The following RPRD1A variants were observed in gnomAD, a reference collection of about 807,000 sequenced individuals.
RPRD1A encodes the protein regulation of nuclear pre-mRNA domain containing 1A, also known as regulation of nuclear pre-mRNA domain-containing protein 1A.
RPRD1A carries 9 observed loss-of-function variants against 37.8 expected under a neutral mutation model. That is an observed-to-expected ratio of 0.24 (90% CI 0.14 to 0.42). The LOEUF (loss-of-function observed/expected upper bound fraction) is 0.42. Ranked by LOEUF, RPRD1A falls within the 10% of genes least tolerant of loss-of-function variation. The pLI, the probability that RPRD1A is intolerant of heterozygous loss-of-function variation, is 1.00. For synonymous variants in RPRD1A, 138 were observed against 139.7 expected (o/e 0.99, Z 0.08); for missense variants, 255 against 371.0 (o/e 0.69, Z 2.57).
chr18:36,047,073 TAGAC>T (rs142863843), intron 1 of RPRD1A, among the ~76,000 whole-genome samples: 3 of 151,958 alleles, frequency 2.0e-5, no homozygotes, highest in Non-Finnish European at 2.9e-5. Context: ...ATTAAAAAAT[TAGAC>T]AGGCATGGTG....
chr18:36,018,422 C>T (rs1910754765), intron 6 of RPRD1A, among the ~76,000 whole-genome samples: 1 of 152,046 alleles, frequency 6.6e-6, no homozygotes, highest in African/African-American at 2.4e-5. Flanking sequence ...TACAGGCGCC[C>T]GCCACCACGC....
chr18:36,018,442 T>C (rs1268644442), intron 6 of RPRD1A, among the ~76,000 whole-genome samples: 1 of 151,978 alleles, frequency 6.6e-6, no homozygotes, highest in Non-Finnish European at 1.5e-5. Context: ...CCCAACTAAT[T>C]TTTTCTATTT....
At chr18:36,017,602 C>A (rs997732632) in intron 6 of RPRD1A, among the ~76,000 whole-genome samples, 1 of 152,198 alleles carries the variant, frequency 6.6e-6, no homozygotes, top group African/African-American at 2.4e-5. Flanking sequence ...AAAATGTAAT[C>A]TTTGTTAGCA....
Position 36,018,419 on chromosome 18 carries a change from G to C in RPRD1A, c.789+8481C>G, listed in dbSNP as rs543355368. Among the ~76,000 whole-genome samples the C allele has an allele frequency of 2.1e-4, 32 of 152,068 alleles. No homozygotes were observed. The South Asian group carries it at 6.0e-3, about 29-fold the overall frequency. On this transcript the variant is annotated intron_variant, in intron 6 of 6. Transcript: ENST00000399022. The stretch of plus-strand genomic sequence containing the variant: ...CTCCCGAGTGGCTGGGACTACAGGC[G>C]CCCGCCACCACGCCCAACTAATTTT...
rs539029970 is a variant in RPRD1A, at chr18:36,041,562, T to C, written c.152-7725A>G. ...CAAACAAATTAAAAACACACACTTG[T>C]GGAAATCAGCATTTTCTGAGGCAAA... On this transcript the variant is annotated intron_variant, in intron 1 of 6. Transcript: ENST00000399022. Among the ~76,000 whole-genome samples the C allele has an allele frequency of 9.3e-4, 142 of 152,350 alleles. 1 individual carries two copies. Among genetic ancestry groups the C allele is most frequent in the African/African-American group, 3.2e-3 (135 of 41,584 alleles).
chr18:36,004,108 G>A (rs1909592373), intron 6 of RPRD1A, among the ~76,000 whole-genome samples: 3 of 149,044 alleles, frequency 2.0e-5, no homozygotes, highest in Admixed American at 6.9e-5. Context: ...TGGGATTACA[G>A]GCATGAGCCA....
intron 6 of RPRD1A, among the ~76,000 whole-genome samples, chr18:36,021,548 G>T (rs1162774438): frequency 6.6e-6 from 1 of 152,190 alleles, no homozygotes. Context: ...TCAAGTGAAA[G>T]AAAGAATCAT....
At chr18:36,018,291 A>T (rs1261144877) in intron 6 of RPRD1A, among the ~76,000 whole-genome samples, 1 of 92,694 alleles carries the variant, frequency 1.1e-5, no homozygotes, top group Non-Finnish European at 2.2e-5. Flanking sequence ...TTTTTTTTTT[A>T]AAGAAGGAGT....
rs1469105672 is a variant in RPRD1A, at chr18:35,991,773, T to C, written c.*1378A>G. The C allele has an allele frequency of 1.3e-5, 2 of 152,256 alleles. No homozygotes were observed. The highest frequency in any genetic ancestry group is 2.9e-5 in the Non-Finnish European group (2 of 68,048). 9.4% of individuals were successfully genotyped at this position (152,256 alleles called of 1,614,324 possible). A position where few individuals can be genotyped will look rare whatever the true frequency, so the allele number is the denominator to read the frequency against. On this transcript the variant is annotated 3_prime_UTR_variant, in exon 7 of 7. Coordinates refer to ENST00000399022, the MANE Select transcript of RPRD1A (RefSeq NM_018170.5). ...AAAATAAATGTCTGCCTTCTTCATA[T>C]GCAATTCATTGTAACTATAATTTCT...
chr18:36,019,544 CA>C (rs1232679992), intron 6 of RPRD1A, among the ~76,000 whole-genome samples: 1 of 152,138 alleles, frequency 6.6e-6, no homozygotes, highest in Non-Finnish European at 1.5e-5. Context: ...ACCACTTAGA[CA>C]GGGGTGGTTT....
In RPRD1A at chr18:36,008,573, G is replaced by GTGTGTGTGTA. The variant is rs1555670666; in HGVS notation, c.790-15274_790-15273insTACACACACA. 2.5e-4 allele frequency among the ~76,000 whole-genome samples: 9 copies of GTGTGTGTGTA among 36,636 alleles called. No individual in the cohort carries two copies. The East Asian group carries it at 2.6e-3, about 11-fold the overall frequency. The allele number at this position is 36,636 out of a possible 152,430, so 24.0% of individuals were successfully genotyped here. Reference sequence around the variant, plus strand: ...CCTGGGCGACACAGCAAGACCTTGTGTGTGTATATATATATATCTTTAAAA... The same window carrying GTGTGTGTGTA: ...CCTGGGCGACACAGCAAGACCTTGTGTGTGTGTGTATGTGTATATATATATATCTTTAAAA... On this transcript the variant is annotated intron_variant, in intron 6 of 6. Coordinates refer to ENST00000399022, the MANE Select transcript of RPRD1A (RefSeq NM_018170.5).
At chr18:35,998,775 A>C (rs1909243810) in intron 6 of RPRD1A, among the ~76,000 whole-genome samples, 1 of 152,186 alleles carries the variant, frequency 6.6e-6, no homozygotes, top group Non-Finnish European at 1.5e-5. Flanking sequence ...TCCTAGCTGA[A>C]ACTATCTCTG....
At chr18:36,028,084 T>G (rs1911505581) in intron 4 of RPRD1A, 1 of 152,128 alleles carries the variant, frequency 6.6e-6, no homozygotes, top group Non-Finnish European at 1.5e-5. Context: ...ACAATTAAAT[T>G]TTATTTTTAC....
intron 6 of RPRD1A, among the ~76,000 whole-genome samples, chr18:36,018,907 G>A (rs1022088885): frequency 5.3e-5 from 8 of 152,066 alleles, no homozygotes; most frequent in African/African-American, 1.9e-4. Context: ...GAGTGGAAAA[G>A]GAACCAGCTA....
At position 36,027,322 on chromosome 18, in the gene RPRD1A, A is replaced by C; in HGVS notation, c.487-12T>G. The C allele has an allele frequency of 6.2e-7, 1 of 1,612,848 alleles. No homozygotes were observed. The highest frequency in any genetic ancestry group is 8.5e-7 in the Non-Finnish European group (1 of 1,179,502). Reference sequence around the variant, plus strand: ...ACGAGATCTAGAGTCTAAAAAGTACACAACTTCAGAACCAAAATAAATTGA... The same window carrying C: ...ACGAGATCTAGAGTCTAAAAAGTACCCAACTTCAGAACCAAAATAAATTGA... On this transcript the variant is annotated splice_polypyrimidine_tract_variant and intron_variant, in intron 4 of 6. Coordinates refer to ENST00000399022, the MANE Select transcript of RPRD1A (RefSeq NM_018170.5).
At chr18:36,041,268 T>A (rs1796824531) in intron 1 of RPRD1A, among the ~76,000 whole-genome samples, 1 of 152,178 alleles carries the variant, frequency 6.6e-6, no homozygotes, top group Admixed American at 6.6e-5. Context: ...ATGTAGCACT[T>A]CCTCTTAAGT....
At chr18:36,012,448 T>C (rs1568120472) in intron 6 of RPRD1A, among the ~76,000 whole-genome samples, 1 of 152,224 alleles carries the variant, frequency 6.6e-6, no homozygotes, top group Non-Finnish European at 1.5e-5. Flanking sequence ...GAAGGCATTA[T>C]TAGATACACA....
rs758650907 is a variant in RPRD1A at position 35,993,319 on chromosome 18, T to C, written c.790-19A>G. The stretch of plus-strand genomic sequence containing the variant: ...TGTACTCCTGTAACATCAAACCACT[T>C]TCATTAGCATTCAGGGATTGAAAAA... On this transcript the variant is annotated intron_variant, in intron 6 of 6. Coordinates refer to ENST00000399022, the MANE Select transcript of RPRD1A (RefSeq NM_018170.5). The C allele has an allele frequency of 8.1e-6, 13 of 1,613,250 alleles. No individual in the cohort carries two copies. The African/African-American group carries it at 1.5e-4, about 18-fold the overall frequency.
At chr18:36,059,197 G>A (rs940094940) in intron 1 of RPRD1A, among the ~76,000 whole-genome samples, 4 of 151,840 alleles carry the variant, frequency 2.6e-5, no homozygotes, top group Non-Finnish European at 2.9e-5. Context: ...CCCAGGCTTG[G>A]AGTAATCTCA....
Sources: gnomAD v4.1 joint callset for allele counts (sites outside exome capture counted in the v4.1 genomes callset) on GRCh38, gnomAD v4.1.1 for gene constraint, MANE v1.5 for transcripts, NCBI Gene and HGNC (gene_info 2026-07-23, HGNC 2026-07-21) for gene names.